The following NLN variants were observed in gnomAD, a reference collection of about 807,000 sequenced individuals.
NLN encodes the protein neurolysin, also known as neurolysin, mitochondrial.
A neutral mutation model predicts 79.9 loss-of-function variants in NLN; 64 were observed. The ratio of observed to expected loss-of-function variants is 0.80; its 90% CI spans 0.65 to 0.99. NLN has a LOEUF of 0.99. Ranked by LOEUF, NLN falls within the 50% of genes least tolerant of loss-of-function variation. NLN has a pLI of 0.00. For missense variants in NLN, 835 were observed against 858.7 expected, an observed-to-expected ratio of 0.97 and a Z score of 0.34; for synonymous variants, 267 against 296.6, an observed-to-expected ratio of 0.90 and a Z score of 1.02.
intron 3 of NLN, among the ~76,000 whole-genome samples, chr5:65,764,305 C>T (rs536658288): frequency 2.3e-4 from 35 of 152,236 alleles, no homozygotes; most frequent in African/African-American, 8.2e-4. Flanking sequence ...TCATAGAGTA[C>T]TTTTAAATTT....
intron 3 of NLN, among the ~76,000 whole-genome samples, chr5:65,767,788 C>A (rs544063151): frequency 6.6e-6 from 1 of 152,320 alleles, no homozygotes; most frequent in South Asian, 2.1e-4. Context: ...TAGGAGCACC[C>A]AGGCCACCTC....
chr5:65,723,851 C>T lies in NLN; in HGVS notation c.41+1437C>T, dbSNP rs1758389958. Among the ~76,000 whole-genome samples, 3 of 134,272 alleles carry T rather than the reference C, an allele frequency of 2.2e-5. No individual in the cohort carries two copies. In the South Asian group the frequency reaches 7.6e-4, roughly 34 times the overall value. 88.1% of individuals were successfully genotyped at this position (134,272 alleles called of 152,430 possible). The stretch of plus-strand genomic sequence containing the variant: ...AAAAAAAAAAAGAACAATTCTCAAA[C>T]TTTTTATTCTCAGGACCCCTTTACC... On this transcript the variant is annotated intron_variant, in intron 1 of 12. Transcript: ENST00000380985.
intron 3 of NLN, among the ~76,000 whole-genome samples, chr5:65,776,731 C>G (rs926858266): frequency 1.5e-4 from 23 of 152,178 alleles, no homozygotes; most frequent in Non-Finnish European, 2.5e-4. Context: ...CCATTCCCCT[C>G]CATGGCCCTC....
chr5:65,738,534 C>T (rs1322688286), intron 1 of NLN, among the ~76,000 whole-genome samples: 1 of 151,822 alleles, frequency 6.6e-6, no homozygotes, highest in Non-Finnish European at 1.5e-5. Flanking sequence ...GATTGCGCCA[C>T]TGCACTCTAG....
intron 9 of NLN, among the ~76,000 whole-genome samples, chr5:65,801,588 T>C (rs1026078205): frequency 6.6e-6 from 1 of 152,256 alleles, no homozygotes; most frequent in Non-Finnish European, 1.5e-5. Context: ...ATGACCAACT[T>C]TCGGGAAATT....
chr5:65,792,087 T>C (rs1333004988), intron 8 of NLN, among the ~76,000 whole-genome samples: 4 of 152,250 alleles, frequency 2.6e-5, no homozygotes, highest in African/African-American at 9.6e-5. Context: ...TCAAACTGTA[T>C]CTTTTATTTC....
In NLN at chr5:65,824,455, C is replaced by T. The variant is rs902899188; in HGVS notation, c.*1540C>T. On this transcript the variant is annotated 3_prime_UTR_variant, in exon 13 of 13. Transcript: ENST00000380985. ...CTCTTCCCACACACTCACTCAATGT[C>T]ACCCCCTTCTAATCCCCAAAACTGT... 2.6e-5 allele frequency: 4 copies of T among 152,156 alleles called. No individual in the cohort carries two copies. Among genetic ancestry groups the T allele is most frequent in the Non-Finnish European group, 5.9e-5 (4 of 68,044 alleles). 9.4% of individuals were successfully genotyped at this position (152,156 alleles called of 1,614,324 possible). A position where few individuals can be genotyped will look rare whatever the true frequency, so the allele number is the denominator to read the frequency against.
chr5:65,768,902 C>T (rs533318998), intron 3 of NLN, among the ~76,000 whole-genome samples: 2 of 152,228 alleles, frequency 1.3e-5, no homozygotes, highest in African/African-American at 4.8e-5. Context: ...AGCCTATTTA[C>T]AAATACAGCC....
At chr5:65,757,142 C>A (rs1037685620) in intron 1 of NLN, among the ~76,000 whole-genome samples, 1 of 152,246 alleles carries the variant, frequency 6.6e-6, no homozygotes, top group South Asian at 2.1e-4. Flanking sequence ...TTGCCTGTCA[C>A]GTAACTAGAT....
chr5:65,815,683 T>C (rs2150776716), intron 12 of NLN, among the ~76,000 whole-genome samples: 1 of 152,226 alleles, frequency 6.6e-6, no homozygotes, highest in East Asian at 1.9e-4. Flanking sequence ...CCTCACACCC[T>C]TTGCAGATAC....
chr5:65,819,321 T>A (rs1368593382), intron 12 of NLN, among the ~76,000 whole-genome samples: 2 of 152,264 alleles, frequency 1.3e-5, no homozygotes, highest in African/African-American at 2.4e-5. Context: ...CCAGATATTA[T>A]GCTAGAGAGC....
chr5:65,753,429 A>G (rs887765827), intron 1 of NLN, among the ~76,000 whole-genome samples: 3 of 152,170 alleles, frequency 2.0e-5, no homozygotes, highest in African/African-American at 7.2e-5. Context: ...TGGGCGGATC[A>G]CTTCCGGTTA....
intron 1 of NLN, among the ~76,000 whole-genome samples, chr5:65,750,444 C>T (rs1425565656): frequency 6.6e-6 from 1 of 152,214 alleles, no homozygotes. Flanking sequence ...GTTGGCCTGG[C>T]ACGATGGCCC....
At chr5:65,802,696 C>T (rs1329671193) in intron 9 of NLN, among the ~76,000 whole-genome samples, 1 of 152,138 alleles carries the variant, frequency 6.6e-6, no homozygotes. Context: ...CTTTACTGAG[C>T]AATAGAACAG....
chr5:65,746,257 A>ATGTC (rs1217861973), intron 1 of NLN, among the ~76,000 whole-genome samples: 4 of 152,242 alleles, frequency 2.6e-5, no homozygotes, highest in Non-Finnish European at 5.9e-5. Context: ...GATGATAAAA[A>ATGTC]TCATGAGGGA....
intron 1 of NLN, 122 bp downstream of exon 1, chr5:65,722,536 C>G: frequency 1.1e-6 from 1 of 895,036 alleles, no homozygotes; most frequent in South Asian, 1.6e-5. Flanking sequence ...GGGACGCACC[C>G]TCCCCGCGGC....
intron 11 of NLN, among the ~76,000 whole-genome samples, chr5:65,811,230 T>C (rs1221644478): frequency 1.3e-5 from 2 of 152,192 alleles, no homozygotes; most frequent in African/African-American, 4.8e-5. Context: ...ATAGAGAGAA[T>C]AAAGATAAGA....
At chr5:65,773,127 ATTTTTT>A (rs757202934) in intron 3 of NLN, among the ~76,000 whole-genome samples, 5 of 96,610 alleles carry the variant, frequency 5.2e-5, no homozygotes, top group East Asian at 3.2e-4. Context: ...CCTGAATTCT[ATTTTTT>A]TTTTTTTTTT....
intron 12 of NLN, among the ~76,000 whole-genome samples, chr5:65,815,175 A>G (rs1378747778): frequency 6.6e-6 from 1 of 152,178 alleles, no homozygotes; most frequent in Admixed American, 6.5e-5. Context: ...AAGCTTCGCC[A>G]TCACCTCCTC....
Sources: gnomAD v4.1 joint callset for allele counts (sites outside exome capture counted in the v4.1 genomes callset) on GRCh38, gnomAD v4.1.1 for gene constraint, MANE v1.5 for transcripts, NCBI Gene and HGNC (gene_info 2026-07-23, HGNC 2026-07-21) for gene names.